ROCK2: variants seen among roughly 807,000 people sequenced by gnomAD.
ROCK2 encodes Rho associated coiled-coil containing protein kinase 2, also known as rho-associated protein kinase 2.
Under a neutral mutation model 195.1 loss-of-function variants are expected in ROCK2, and 61 were observed. That is an observed-to-expected ratio of 0.31 (90% CI 0.25 to 0.39). The LOEUF (loss-of-function observed/expected upper bound fraction) is 0.39. Among genes scored for constraint, ROCK2 ranks in the 10% least tolerant of loss-of-function variants. The pLI, the probability that ROCK2 is intolerant of heterozygous loss-of-function variation, is 1.00. For missense variants in ROCK2, 1,109 were observed against 1,637.4 expected, an observed-to-expected ratio of 0.68 and a Z score of 5.57; for synonymous variants, 504 against 545.5, an observed-to-expected ratio of 0.92 and a Z score of 1.06.
intron 3 of ROCK2, among the ~76,000 whole-genome samples, chr2:11,282,640 A>G (rs1055188985): frequency 6.6e-6 from 1 of 150,784 alleles, no homozygotes; most frequent in Admixed American, 6.6e-5. Flanking sequence ...ACCAGACCTT[A>G]TATCTTCTAG....
intron 32 of ROCK2, 116 bp from the exon 33 acceptor site, chr2:11,183,556 T>C (rs1005944726): frequency 3.3e-5 from 23 of 696,910 alleles, no homozygotes; most frequent in Non-Finnish European, 4.4e-5. Context: ...CCAGCTACTA[T>C]ATTTTTTAAC....
At chr2:11,343,363 A>C (rs913633552) in intron 1 of ROCK2, among the ~76,000 whole-genome samples, 1 of 152,204 alleles carries the variant, frequency 6.6e-6, no homozygotes, top group African/African-American at 2.4e-5. Flanking sequence ...CGCAATGAAG[A>C]GGACAGATTT....
chr2:11,195,239 CAGAT>C (rs1251319823), intron 27 of ROCK2: 10 of 301,452 alleles, frequency 3.3e-5, no homozygotes, highest in East Asian at 1.0e-4. Context: ...ATATTGGAAA[CAGAT>C]AGTCTATACT....
In ROCK2 at chr2:11,330,747, G is replaced by GGA. The variant is rs1553319911; in HGVS notation, c.141+13248_141+13249insTC. Among the ~76,000 whole-genome samples the GGA allele has an allele frequency of 3.4e-4, 21 of 61,740 alleles. 2 individuals carry two copies. Among genetic ancestry groups the GGA allele is most frequent in the Non-Finnish European group, 4.6e-4 (11 of 24,138 alleles). The allele number at this position is 61,740 out of a possible 152,430, so 40.5% of individuals were successfully genotyped here. A position where few individuals can be genotyped will look rare whatever the true frequency, so the allele number is the denominator to read the frequency against. Reference sequence around the variant, plus strand: ...GAGGAGGGAAGATGAGGAGGGAGGAGGGAGGAGGAGGAGGGAGGAGGAGGA... The same window carrying GGA: ...GAGGAGGGAAGATGAGGAGGGAGGAGGAGGAGGAGGAGGAGGGAGGAGGAGGA... On this transcript the variant is annotated intron_variant, in intron 1 of 32. Coordinates refer to ENST00000315872, the MANE Select transcript of ROCK2 (RefSeq NM_004850.5).
chr2:11,293,384 A>C (rs903636006), intron 1 of ROCK2, among the ~76,000 whole-genome samples: 15 of 152,234 alleles, frequency 9.9e-5, no homozygotes, highest in African/African-American at 3.4e-4. Flanking sequence ...TGTAAAAAAG[A>C]GTTCATAGCC....
chr2:11,257,297 AG>A (rs1329919184), intron 3 of ROCK2, among the ~76,000 whole-genome samples: 2 of 151,196 alleles, frequency 1.3e-5, no homozygotes, highest in African/African-American at 2.5e-5. Flanking sequence ...TGTGGGGCTT[AG>A]AGCTGCGGGC....
At chr2:11,190,713 T>C (rs1423769345) in intron 32 of ROCK2, among the ~76,000 whole-genome samples, 2 of 152,136 alleles carry the variant, frequency 1.3e-5, no homozygotes, top group Non-Finnish European at 2.9e-5. Context: ...TGAGATAATA[T>C]ATAAGAAGTT....
At chr2:11,219,141 C>A in intron 9 of ROCK2, 115 bp from the exon 10 acceptor site, 1 of 491,310 alleles carries the variant, frequency 2.0e-6, no homozygotes, top group East Asian at 3.3e-5. Context: ...CTTTTCCCTT[C>A]AACACATTAT....
In ROCK2 at chr2:11,192,737, G is replaced by A. The variant is rs1379900673; in HGVS notation, c.3688-25C>T. On this transcript the variant is annotated intron_variant, in intron 30 of 32. Transcript: ENST00000315872. This position sits in a 1 kb window ranked among gnomAD's most constrained non-coding sequence, Gnocchi z 5.0. ...TCTATGAATGCCAAAAGAACAATAA[G>A]TGATTTCCAAACATGCTATTTTTTT... is the stretch of plus-strand genomic sequence containing the variant. The A allele has an allele frequency of 1.9e-6, 3 of 1,585,788 alleles. No homozygotes were observed. Among genetic ancestry groups the A allele is most frequent in the South Asian group, 1.1e-5 (1 of 88,094 alleles).
At chr2:11,317,591 TATATATATATATA>T (rs1418333878) in intron 1 of ROCK2, among the ~76,000 whole-genome samples, 1 of 13,940 alleles carries the variant, frequency 7.2e-5, no homozygotes, top group Non-Finnish European at 1.5e-4. Context: ...TATATATATA[TATATATATATATA>T]TATATATATT....
intron 3 of ROCK2, among the ~76,000 whole-genome samples, chr2:11,261,584 T>A (rs1438026739): frequency 3.3e-5 from 5 of 152,152 alleles, no homozygotes; most frequent in Non-Finnish European, 7.4e-5. Context: ...TTTGGGAGGC[T>A]GAGGCGGGTG....
chr2:11,330,286 A>G (rs561787650), intron 1 of ROCK2, among the ~76,000 whole-genome samples: 29 of 152,300 alleles, frequency 1.9e-4, no homozygotes, highest in African/African-American at 7.0e-4. Context: ...GGCTTTAAAG[A>G]TACTTTTATT....
At chr2:11,229,002 G>C (rs1664907990) in intron 5 of ROCK2, among the ~76,000 whole-genome samples, 5 of 152,034 alleles carry the variant, frequency 3.3e-5, no homozygotes. Flanking sequence ...GAAATGCAGT[G>C]AAATCCAAAT....
At chr2:11,323,764 A>C (rs150040469) in intron 1 of ROCK2, among the ~76,000 whole-genome samples, 20 of 152,256 alleles carry the variant, frequency 1.3e-4, no homozygotes, top group African/African-American at 4.6e-4. Flanking sequence ...CCCTGCATAC[A>C]CATAGCCTTC....
intron 17 of ROCK2, among the ~76,000 whole-genome samples, chr2:11,212,683 A>C (rs1440832293): frequency 5.3e-5 from 8 of 152,006 alleles, no homozygotes; most frequent in Non-Finnish European, 1.0e-4. Context: ...CTTTTTTCCA[A>C]ATAAAGCCTT....
chr2:11,199,214 T>A (rs919472573), intron 23 of ROCK2, among the ~76,000 whole-genome samples: 13 of 152,120 alleles, frequency 8.5e-5, no homozygotes, highest in African/African-American at 3.1e-4. Context: ...TGAAGGAAGT[T>A]TTACTGTAAA....
chr2:11,204,320 T>C (rs1663971215), intron 20 of ROCK2, among the ~76,000 whole-genome samples: 1 of 152,124 alleles, frequency 6.6e-6, no homozygotes, highest in Non-Finnish European at 1.5e-5. Flanking sequence ...CATTTCCCTC[T>C]TATAGCAACC....
chr2:11,300,737 T>C (rs1270967456), intron 1 of ROCK2, among the ~76,000 whole-genome samples: 3 of 152,172 alleles, frequency 2.0e-5, no homozygotes, highest in Non-Finnish European at 2.9e-5. Context: ...TACAAAATAG[T>C]ACACTGTGAT....
chr2:11,215,759 T>C, intron 13 of ROCK2, 114 bp from the exon 14 acceptor site: 1 of 829,340 alleles, frequency 1.2e-6, no homozygotes, highest in Non-Finnish European at 1.8e-6. Context: ...CTTTCACTGC[T>C]TTTTTGTTAA....
Sources: allele counts gnomAD v4.1 joint callset (sites outside exome capture counted in the v4.1 genomes callset), GRCh38; gene constraint gnomAD v4.1.1; non-coding constraint Gnocchi (gnomAD v3.1); transcripts MANE v1.5; gene names NCBI Gene and HGNC (gene_info 2026-07-23, HGNC 2026-07-21).